Variants in PIK3C3 observed in about 807,000 individuals in gnomAD.
PIK3C3 encodes PI3-kinase type 3.
Under a neutral mutation model 126.1 loss-of-function variants are expected in PIK3C3, and 95 were observed. The ratio of observed to expected loss-of-function variants is 0.75; its 90% CI spans 0.64 to 0.89. The LOEUF (loss-of-function observed/expected upper bound fraction) is 0.89. PIK3C3 is among the 40% of genes least tolerant of loss of function. PIK3C3 has a pLI of 0.00. For missense variants in PIK3C3, 829 were observed against 1,063.2 expected (o/e 0.78, Z 3.06); for synonymous variants, 374 against 360.0 (o/e 1.04, Z -0.44).
intron 22 of PIK3C3, among the ~76,000 whole-genome samples, chr18:42,060,762 G>T (rs1475583508): frequency 6.6e-6 from 1 of 152,032 alleles, no homozygotes; most frequent in African/African-American, 2.4e-5. Context: ...AGACAATAGA[G>T]CAAGACTCTG....
intron 21 of PIK3C3, chr18:42,050,150 G>A (rs2144491312): frequency 6.6e-6 from 1 of 152,334 alleles, no homozygotes; most frequent in South Asian, 2.1e-4. Flanking sequence ...ACTGGAAAAT[G>A]CCTCTTTTTA....
chr18:41,994,692 C>G (rs1242297825), intron 7 of PIK3C3, among the ~76,000 whole-genome samples: 1 of 151,972 alleles, frequency 6.6e-6, no homozygotes, highest in African/African-American at 2.4e-5. Context: ...ATCCATAACT[C>G]ATGCCATACA....
intron 7 of PIK3C3, 141 bp from the exon 8 acceptor site, chr18:41,995,749 T>A (rs531483785): frequency 1.7e-5 from 11 of 634,150 alleles, no homozygotes; most frequent in Middle Eastern, 3.0e-4. Flanking sequence ...TTTTAAGATA[T>A]GTAGAAGACT....
At chr18:41,976,098 C>T (rs939457401) in intron 4 of PIK3C3, among the ~76,000 whole-genome samples, 1 of 151,982 alleles carries the variant, frequency 6.6e-6, no homozygotes, top group Non-Finnish European at 1.5e-5. Flanking sequence ...TATCACAATC[C>T]CAAAATAATC....
chr18:42,030,067 T>C (rs1288525344), intron 15 of PIK3C3, among the ~76,000 whole-genome samples: 1 of 152,188 alleles, frequency 6.6e-6, no homozygotes, highest in African/African-American at 2.4e-5. Context: ...TCTTAGTCCA[T>C]ATTGTTATCC....
chr18:42,076,127 TATATATATATATATATGC>T (rs1985990315), intron 24 of PIK3C3, among the ~76,000 whole-genome samples: 6 of 75,828 alleles, frequency 7.9e-5, no homozygotes, highest in East Asian at 4.9e-4. Context: ...TATATGCGCA[TATATATATATATATATGC>T]GCATATATAT....
intron 18 of PIK3C3, among the ~76,000 whole-genome samples, 190 bp downstream of exon 18, chr18:42,039,040 G>C (rs1399031511): frequency 6.6e-6 from 1 of 151,954 alleles, no homozygotes; most frequent in Non-Finnish European, 1.5e-5. Flanking sequence ...ACTGATTAAT[G>C]TAACTACTGG....
intron 9 of PIK3C3, among the ~76,000 whole-genome samples, chr18:42,003,469 T>G (rs1598885937): frequency 1.3e-5 from 2 of 152,310 alleles, no homozygotes; most frequent in Admixed American, 1.3e-4. Context: ...TAGAGATGAG[T>G]TCTTGCTGTG....
intron 6 of PIK3C3, among the ~76,000 whole-genome samples, chr18:41,991,382 T>A (rs1334283268): frequency 6.6e-6 from 1 of 152,046 alleles, no homozygotes; most frequent in Middle Eastern, 3.4e-3. Flanking sequence ...TAAAAAAAAA[T>A]GTATGCATAG....
chr18:41,975,698 GTTTT>G (rs35430380), intron 4 of PIK3C3, among the ~76,000 whole-genome samples: 5 of 134,686 alleles, frequency 3.7e-5, no homozygotes, highest in African/African-American at 1.1e-4. Context: ...AAAACGGACT[GTTTT>G]TTTTTTTTTT....
chr18:42,057,970 T>G lies in PIK3C3; in HGVS notation c.2351T>G (p.Val784Gly). The change falls in exon 22 of 25, where the codon GTA becomes GGA. Residue 784 changes from valine (V) to glycine (G), a missense_variant. Transcript: ENST00000262039. ...CCAATGAAGCTGAATAAAGAAATGGTAGAAGGAATGGGGGGCACACAGAGT... is the reference window on the plus strand; with the variant it reads ...CCAATGAAGCTGAATAAAGAAATGGGAGAAGGAATGGGGGGCACACAGAGT... ...PPPMKLNKEM[V>G]EGMGGTQSEQ... is the part of the protein sequence containing the mutation. 1 of 1,613,472 alleles carries G rather than the reference T, an allele frequency of 6.2e-7. No individual in the cohort carries two copies. Among genetic ancestry groups the G allele is most frequent in the Non-Finnish European group, 8.5e-7 (1 of 1,179,672 alleles).
intron 4 of PIK3C3, among the ~76,000 whole-genome samples, chr18:41,975,751 G>T (rs532455404): frequency 1.8e-4 from 27 of 149,304 alleles, no homozygotes; most frequent in Admixed American, 6.0e-4. Flanking sequence ...CCAGGCTGGA[G>T]TGCAGTGGCA....
intron 16 of PIK3C3, among the ~76,000 whole-genome samples, chr18:42,036,066 T>C (rs533207369): frequency 4.6e-5 from 7 of 152,336 alleles, no homozygotes; most frequent in Admixed American, 1.3e-4. Flanking sequence ...TTTAGGAAGA[T>C]AACTTCCAAT....
At chr18:41,996,059 C>G (rs1598879532) in intron 8 of PIK3C3, 65 bp downstream of exon 8, 2 of 998,474 alleles carry the variant, frequency 2.0e-6, no homozygotes, top group Admixed American at 3.7e-5. Context: ...AAACTGATAG[C>G]TATCACCTCA....
intron 13 of PIK3C3, among the ~76,000 whole-genome samples, chr18:42,022,532 G>A (rs1021664999): frequency 6.6e-6 from 1 of 152,142 alleles, no homozygotes; most frequent in African/African-American, 2.4e-5. Context: ...ATAAATATTT[G>A]TTTAGTTTAA....
intron 11 of PIK3C3, among the ~76,000 whole-genome samples, chr18:42,014,046 C>T (rs1305624678): frequency 6.6e-6 from 1 of 151,598 alleles, no homozygotes; most frequent in Non-Finnish European, 1.5e-5. Context: ...GTGGCTCATG[C>T]TTGTAATCCT....
At chr18:42,048,660 C>G (rs1048428917) in intron 20 of PIK3C3, among the ~76,000 whole-genome samples, 1 of 152,086 alleles carries the variant, frequency 6.6e-6, no homozygotes, top group Admixed American at 6.5e-5. Context: ...GCTTAAGTTG[C>G]TTTTGGACTT....
At chr18:41,989,312 C>G (rs1981655901) in intron 5 of PIK3C3, among the ~76,000 whole-genome samples, 1 of 152,000 alleles carries the variant, frequency 6.6e-6, no homozygotes, top group Non-Finnish European at 1.5e-5. Flanking sequence ...TTCAAGCAGT[C>G]CTCCCACCTC....
At chr18:42,079,609 G>A (rs1174603448) in intron 24 of PIK3C3, among the ~76,000 whole-genome samples, 1 of 152,046 alleles carries the variant, frequency 6.6e-6, no homozygotes, top group Non-Finnish European at 1.5e-5. Flanking sequence ...CAGTATCTGT[G>A]AGGTGCAGTA....
Sources: allele counts gnomAD v4.1 joint callset (sites outside exome capture counted in the v4.1 genomes callset), GRCh38; gene constraint gnomAD v4.1.1; transcripts MANE v1.5; gene names NCBI Gene and HGNC (gene_info 2026-07-23, HGNC 2026-07-21).